The following C1orf185 variants were observed in gnomAD, a reference collection of about 807,000 sequenced individuals.
The protein encoded by C1orf185 is chromosome 1 open reading frame 185, also known as uncharacterized protein C1orf185.
A neutral mutation model predicts 16.1 loss-of-function variants in C1orf185; 13 were observed. The ratio of observed to expected loss-of-function variants is 0.81; its 90% CI spans 0.53 to 1.28. The LOEUF (loss-of-function observed/expected upper bound fraction) is 1.28, where lower values mean the gene tolerates loss of function less well. Ranked by LOEUF, C1orf185 falls within the 50% of genes most tolerant of loss-of-function variation. The probability of loss-of-function intolerance (pLI) is 0.00; values close to 1 mark genes in which losing one functional copy is unlikely to be tolerated. For missense variants in C1orf185, 220 were observed against 225.2 expected (o/e 0.98, Z 0.15); for synonymous variants, 80 against 76.9 (o/e 1.04, Z -0.21).
chr1:51,144,573 C>T (rs1237134687), intron 3 of C1orf185, among the ~76,000 whole-genome samples: 2 of 152,038 alleles, frequency 1.3e-5, no homozygotes, highest in African/African-American at 4.8e-5. Flanking sequence ...ATTAACCAGG[C>T]ATGGTGGCAT....
chr1:51,118,828 T>G, intron 3 of C1orf185, 27 bp downstream of exon 3: 1 of 1,330,846 alleles, frequency 7.5e-7, no homozygotes, highest in Non-Finnish European at 9.9e-7. Context: ...TATAGTAATC[T>G]TTTCAAATAA....
intron 1 of C1orf185, among the ~76,000 whole-genome samples, chr1:51,102,848 C>G (rs1646041800): frequency 6.6e-6 from 1 of 151,952 alleles, no homozygotes. Flanking sequence ...CTAATATATG[C>G]ATTTAGGGCC....
intron 2 of C1orf185, among the ~76,000 whole-genome samples, chr1:51,114,393 G>A (rs1646143308): frequency 1.3e-5 from 2 of 152,176 alleles, no homozygotes; most frequent in Admixed American, 1.3e-4. Context: ...TTCAGACTTA[G>A]CCCCATGAGG....
rs927319070 is a variant in C1orf185 at position 51,112,671 on chromosome 1, A to C, written c.122+102A>C. The C allele has an allele frequency of 1.0e-5, 11 of 1,104,858 alleles. No homozygotes were observed. The African/African-American group carries it at 1.6e-4, about 16-fold the overall frequency. The allele number at this position is 1,104,858 out of a possible 1,614,324, so 68.4% of individuals were successfully genotyped here. ...AACTTAAATAACTATGATAGTATTG[A>C]TTGTTTAGTTTGGGATTTGGTTATA... On this transcript the variant is annotated intron_variant, in intron 2 of 4. Coordinates refer to ENST00000371759, the MANE Select transcript of C1orf185 (RefSeq NM_001136508.2).
At chr1:51,133,736 A>T (rs1428557650) in intron 3 of C1orf185, among the ~76,000 whole-genome samples, 2 of 152,256 alleles carry the variant, frequency 1.3e-5, no homozygotes, top group Non-Finnish European at 2.9e-5. Context: ...TCTTCACCCA[A>T]AAAGAACAGA....
At chr1:51,149,722 A>G (rs1301144741), downstream of C1orf185, among the ~76,000 whole-genome samples, 2 of 151,336 alleles carry the variant, frequency 1.3e-5, no homozygotes, top group Non-Finnish European at 2.9e-5. Flanking sequence ...CTTAGGAAGG[A>G]AAAAAAAACC....
intron 4 of C1orf185, 109 bp downstream of exon 4, chr1:51,145,869 T>G: frequency 6.0e-6 from 3 of 501,726 alleles, no homozygotes; most frequent in Non-Finnish European, 9.6e-6. Flanking sequence ...CTTAATGGTA[T>G]GAAACTGTAA....
chr1:51,114,978 C>G (rs1570294338), intron 2 of C1orf185, among the ~76,000 whole-genome samples: 1 of 152,176 alleles, frequency 6.6e-6, no homozygotes, highest in Admixed American at 6.5e-5. Context: ...ATTCAGGTTT[C>G]TATCACCACA....
intron 2 of C1orf185, among the ~76,000 whole-genome samples, chr1:51,114,958 G>A (rs1312076497): frequency 6.6e-6 from 1 of 152,114 alleles, no homozygotes; most frequent in African/African-American, 2.4e-5. Flanking sequence ...CTACCTCAGA[G>A]GAAAGATTTA....
intron 3 of C1orf185, among the ~76,000 whole-genome samples, chr1:51,143,501 G>C (rs1051198820): frequency 1.3e-5 from 2 of 152,052 alleles, no homozygotes; most frequent in South Asian, 4.1e-4. Context: ...CTTCAAGATT[G>C]TTCTTCTGTC....
At position 51,118,769 on chromosome 1, in the gene C1orf185, C is replaced by T. The variant is rs1044523514; in HGVS notation, c.226C>T (p.Arg76Ter). ...TCATTCTCAGTGTGTTTTTATTTCTCGAAATTTTCATACTGGGAGATTCCA... is the reference window on the plus strand; with the variant it reads ...TCATTCTCAGTGTGTTTTTATTTCTTGAAATTTTCATACTGGGAGATTCCA... ...KSHSQCVFIS[R>*]NFHTGRFQLQ... Residue 76 changes from arginine (R) to a stop codon, truncating the protein, a stop_gained, in exon 3 of 5, where the codon CGA becomes TGA. Transcript: ENST00000371759. LOFTEE classifies it high-confidence loss of function. The T allele has an allele frequency of 1.6e-5, 23 of 1,477,168 alleles. No individual in the cohort carries two copies. Among genetic ancestry groups the T allele is most frequent in the Admixed American group, 4.3e-5 (2 of 46,466 alleles). 91.5% of individuals were successfully genotyped at this position (1,477,168 alleles called of 1,614,324 possible). A position where few individuals can be genotyped will look rare whatever the true frequency, so the allele number is the denominator to read the frequency against.
At chr1:51,119,240 T>C (rs1211153737) in intron 3 of C1orf185, among the ~76,000 whole-genome samples, 2 of 152,226 alleles carry the variant, frequency 1.3e-5, no homozygotes, top group Admixed American at 6.5e-5. Flanking sequence ...GATAGTAAGA[T>C]ATGGCACCTA....
At chr1:51,138,011 T>C (rs1445351165) in intron 3 of C1orf185, among the ~76,000 whole-genome samples, 1 of 152,060 alleles carries the variant, frequency 6.6e-6, no homozygotes, top group Non-Finnish European at 1.5e-5. Context: ...TGAAAACACA[T>C]GGACACATAG....
intron 2 of C1orf185, among the ~76,000 whole-genome samples, chr1:51,114,253 G>A (rs1646142548): frequency 6.6e-6 from 1 of 152,204 alleles, no homozygotes; most frequent in Admixed American, 6.5e-5. Context: ...TTGTAGGCTA[G>A]AACACGGAGT....
chr1:51,129,789 G>A (rs2148023266), intron 3 of C1orf185: 1 of 152,338 alleles, frequency 6.6e-6, no homozygotes, highest in East Asian at 1.9e-4. Flanking sequence ...GGAGCAGAGA[G>A]AGCAAGAGCG....
At position 51,113,689 on chromosome 1, in the gene C1orf185, A is replaced by AATACATAC. The variant is rs547274694; in HGVS notation, c.122+1136_122+1143dup. Among the ~76,000 whole-genome samples, 1,093 of 152,116 alleles carry AATACATAC rather than the reference A, an allele frequency of 7.2e-3. 13 individuals carry two copies. Among genetic ancestry groups the AATACATAC allele is most frequent in the African/African-American group, 0.025 (1,051 of 41,486 alleles). On this transcript the variant is annotated intron_variant, in intron 2 of 4. Coordinates refer to ENST00000371759, the MANE Select transcript of C1orf185 (RefSeq NM_001136508.2). ...GAAAAGAGTGAAACTCCATCTCAAA[A>AATACATAC]ATACATACATACATACATACATAAA...
Position 51,137,084 on chromosome 1 carries a change from A to C in C1orf185, c.259-8640A>C, listed in dbSNP as rs544779561. Among the ~76,000 whole-genome samples, 6 of 152,348 alleles carry C rather than the reference A, an allele frequency of 3.9e-5. No homozygotes were observed. The South Asian group carries it at 1.2e-3, about 32-fold the overall frequency. On this transcript the variant is annotated intron_variant, in intron 3 of 4. Transcript: ENST00000371759. ...AAGAAAAAAACAAGCAGCCCCATTAAAAAGTGAGGAAAGGACATGAACAGA... is the reference window on the plus strand; with the variant it reads ...AAGAAAAAAACAAGCAGCCCCATTACAAAGTGAGGAAAGGACATGAACAGA...
chr1:51,138,539 C>T (rs1001818524), intron 3 of C1orf185, among the ~76,000 whole-genome samples: 3 of 151,490 alleles, frequency 2.0e-5, no homozygotes, highest in Non-Finnish European at 4.4e-5. Context: ...ACTACAGGCG[C>T]CCGTCACCAT....
chr1:51,102,817 A>T (rs999797863), intron 1 of C1orf185, among the ~76,000 whole-genome samples: 2 of 152,004 alleles, frequency 1.3e-5, no homozygotes, highest in Non-Finnish European at 2.9e-5. Context: ...TGCTAAGCTC[A>T]TTAGTTTTCA....
Sources: gnomAD v4.1 joint callset for allele counts (sites outside exome capture counted in the v4.1 genomes callset) on GRCh38, gnomAD v4.1.1 for gene constraint, MANE v1.5 for transcripts, NCBI Gene and HGNC (gene_info 2026-07-23, HGNC 2026-07-21) for gene names.